Variants in TRAPPC12 observed in about 807,000 individuals in gnomAD.
TRAPPC12 encodes TPR repeat protein 15.
In TRAPPC12, 61 loss-of-function variants were observed where a neutral mutation model predicts 69.2. The ratio of observed to expected loss-of-function variants is 0.88; its 90% CI spans 0.72 to 1.09. TRAPPC12 has a LOEUF of 1.09. Among genes scored for constraint, TRAPPC12 ranks in the 50% least tolerant of loss-of-function variants. The pLI is 0.00. For missense variants in TRAPPC12, 1,101 were observed against 1,016.4 expected, an observed-to-expected ratio of 1.08 and a Z score of -1.13; for synonymous variants, 469 against 438.9, an observed-to-expected ratio of 1.07 and a Z score of -0.86.
intron 6 of TRAPPC12, among the ~76,000 whole-genome samples, chr2:3,451,053 A>T (rs926488362): frequency 6.6e-5 from 10 of 152,320 alleles, no homozygotes; most frequent in Non-Finnish European, 1.0e-4. Context: ...TTTAAATATG[A>T]ATAGGTTACA....
chr2:3,408,026 C>T (rs898864303), intron 3 of TRAPPC12, among the ~76,000 whole-genome samples: 4 of 152,262 alleles, frequency 2.6e-5, no homozygotes, highest in African/African-American at 7.2e-5. Context: ...CGTCCCCTCT[C>T]CAGCATTTGT....
rs4971514 is a variant in TRAPPC12 at position 3,465,692 on chromosome 2, G to C, written c.1773G>C (p.Leu591=). The C allele has an allele frequency of 0.41, 658,504 of 1,610,612 alleles. 136,137 individuals carry two copies. The highest frequency in any genetic ancestry group is 0.51 in the Middle Eastern group (3,082 of 6,048). Reference sequence around the variant, plus strand: ...TCAGCGGCATCGGCCGGATTTCCCTGCAGGTACCTGTGCACGGTCAGACAT... The same window carrying C: ...TCAGCGGCATCGGCCGGATTTCCCTCCAGGTACCTGTGCACGGTCAGACAT... ...QLLSGIGRIS[L]QIGDIKTAEK... is the part of the protein sequence containing the mutation. The change falls in exon 9 of 12, where the codon CTG becomes CTC. Residue 591 remains leucine, a synonymous_variant. Transcript: ENST00000324266.
At chr2:3,381,207 A>G (rs185664980) in intron 1 of TRAPPC12, among the ~76,000 whole-genome samples, 1 of 152,276 alleles carries the variant, frequency 6.6e-6, no homozygotes, top group Admixed American at 6.5e-5. Context: ...ATCTGTAGTG[A>G]GTGTTCATTA....
intron 2 of TRAPPC12, among the ~76,000 whole-genome samples, chr2:3,398,293 A>G (rs1661235863): frequency 6.6e-6 from 1 of 152,214 alleles, no homozygotes; most frequent in Non-Finnish European, 1.5e-5. Flanking sequence ...ACAGTTTTCT[A>G]AAATGGCTAT....
Position 3,387,773 on chromosome 2 carries a change from C to G in TRAPPC12, c.150C>G (p.Thr50=), listed in dbSNP as rs1332168376. Residue 50 remains threonine (T), a synonymous_variant, in exon 2 of 12, where the codon ACC becomes ACG. Transcript: ENST00000324266. ...AGTTTGGATCCGAAGAGAACGAGAC[C>G]GCATCGGAAGGCTCGAGTCCTCTCG... is the stretch of plus-strand genomic sequence containing the variant. The part of the protein sequence containing the change: ...GDEFGSEENE[T]ASEGSSPLAD... The G allele has an allele frequency of 6.2e-7, 1 of 1,612,902 alleles. No individual in the cohort carries two copies. Among genetic ancestry groups the G allele is most frequent in the Non-Finnish European group, 8.5e-7 (1 of 1,179,448 alleles).
chr2:3,418,954 C>T (rs931437485), intron 3 of TRAPPC12, among the ~76,000 whole-genome samples: 2 of 152,228 alleles, frequency 1.3e-5, no homozygotes, highest in African/African-American at 4.8e-5. Context: ...CTCATCCACA[C>T]CTGCTCGGCC....
intron 3 of TRAPPC12, among the ~76,000 whole-genome samples, chr2:3,416,577 CTG>C (rs1157726135): frequency 2.5e-5 from 2 of 79,568 alleles, no homozygotes; most frequent in African/African-American, 1.1e-4. Flanking sequence ...TGCCCCTTCA[CTG>C]TGCCCTCCCC....
rs1006753291 is a variant in TRAPPC12, at chr2:3,479,104, G to T, written c.1966-115G>T. The T allele has an allele frequency of 1.3e-5, 20 of 1,538,366 alleles. No individual in the cohort carries two copies. The African/African-American group carries it at 2.2e-4, about 17-fold the overall frequency. On this transcript the variant is annotated intron_variant, in intron 11 of 11. Transcript: ENST00000324266. ...GACCCAACAGGGCCACCTAGGCTCT[G>T]CCCAGCAGCTCTGCACCACCCCCAG...
At chr2:3,451,710 G>T (rs1664859811) in intron 6 of TRAPPC12, among the ~76,000 whole-genome samples, 1 of 152,026 alleles carries the variant, frequency 6.6e-6, no homozygotes, top group South Asian at 2.1e-4. Flanking sequence ...TTTTTGTAGA[G>T]ATAGGGTCTC....
At chr2:3,461,846 C>T (rs1665522724) in intron 8 of TRAPPC12, among the ~76,000 whole-genome samples, 1 of 152,132 alleles carries the variant, frequency 6.6e-6, no homozygotes, top group African/African-American at 2.4e-5. Flanking sequence ...TCTTCACCAC[C>T]CAAGGCTTGG....
At position 3,423,308 on chromosome 2, in the gene TRAPPC12, TGCCTCGCA is replaced by T. The variant is rs1662915962; in HGVS notation, c.1279-1216_1279-1209del. ...TTAAATCAAGCTAAATCGCATGCAT[TGCCTCGCA>T]TGCCTTTGTGTGTGTGTGTGTGTGT... On this transcript the variant is annotated intron_variant, in intron 4 of 11. Coordinates refer to ENST00000324266, the MANE Select transcript of TRAPPC12 (RefSeq NM_016030.6). Among the ~76,000 whole-genome samples, 9 of 142,336 alleles carry T rather than the reference TGCCTCGCA, an allele frequency of 6.3e-5. No individual in the cohort carries two copies. The Admixed American group carries it at 6.4e-4, about 10-fold the overall frequency. The allele number at this position is 142,336 out of a possible 152,430, so 93.4% of individuals were successfully genotyped here. A position where few individuals can be genotyped will look rare whatever the true frequency, so the allele number is the denominator to read the frequency against.
intron 3 of TRAPPC12, among the ~76,000 whole-genome samples, chr2:3,402,204 A>G (rs978612497): frequency 6.6e-6 from 1 of 152,210 alleles, no homozygotes; most frequent in African/African-American, 2.4e-5. Context: ...TTTTAAATAT[A>G]TTGCATTTTC....
Position 3,417,393 on chromosome 2 carries a change from G to A in TRAPPC12, c.1165-4488G>A, listed in dbSNP as rs530279866. 1.4e-4 allele frequency among the ~76,000 whole-genome samples: 21 copies of A among 151,380 alleles called. 1 individual carries two copies. Among genetic ancestry groups the A allele is most frequent in the African/African-American group, 4.4e-4 (18 of 40,874 alleles). On this transcript the variant is annotated intron_variant, in intron 3 of 11. Coordinates refer to ENST00000324266, the MANE Select transcript of TRAPPC12 (RefSeq NM_016030.6). ...GCCAGGTGATGCAGCGTCTGACCAC[G>A]TGCAGTCTTTAGACTGCCCTAGTCG...
Position 3,383,882 on chromosome 2 carries a change from T to G in TRAPPC12, c.-4-3738T>G, listed in dbSNP as rs1441390618. Among the ~76,000 whole-genome samples the G allele has an allele frequency of 5.1e-4, 9 of 17,624 alleles. No individual in the cohort carries two copies. The East Asian group carries it at 8.1e-3, about 16-fold the overall frequency. 11.6% of individuals were successfully genotyped at this position (17,624 alleles called of 152,430 possible). A position where few individuals can be genotyped will look rare whatever the true frequency, so the allele number is the denominator to read the frequency against. On this transcript the variant is annotated intron_variant, in intron 1 of 11. Transcript: ENST00000324266. ...GATAGTTCAGTCTTGTTTTTTTTTT[T>G]TTTTTTTTTTTTTTTTTTTTTTTTT...
At chr2:3,399,717 CT>C (rs1309306220) in intron 2 of TRAPPC12, among the ~76,000 whole-genome samples, 3 of 152,106 alleles carry the variant, frequency 2.0e-5, no homozygotes, top group African/African-American at 7.2e-5. Flanking sequence ...TTCTGTTCTT[CT>C]TTTAAGTGTC....
At chr2:3,459,639 C>T (rs1057426671) in intron 7 of TRAPPC12, among the ~76,000 whole-genome samples, 2 of 152,174 alleles carry the variant, frequency 1.3e-5, no homozygotes, top group East Asian at 3.9e-4. Context: ...CTCAGGGTCG[C>T]GGTCAGCCAC....
intron 2 of TRAPPC12, among the ~76,000 whole-genome samples, chr2:3,397,346 C>G (rs1472280351): frequency 6.6e-6 from 1 of 152,224 alleles, no homozygotes. Flanking sequence ...GAGCACTAAA[C>G]ATGGCAGACC....
At chr2:3,427,968 CTTGTGTATCCTA>C (rs1663211198) in intron 5 of TRAPPC12, among the ~76,000 whole-genome samples, 1 of 152,086 alleles carries the variant, frequency 6.6e-6, no homozygotes, top group Non-Finnish European at 1.5e-5. Flanking sequence ...CCAACATCGC[CTTGTGTATCCTA>C]TTTTACAGTG....
In TRAPPC12 at chr2:3,388,004, C is replaced by G; in HGVS notation, c.381C>G (p.Ser127Arg). Residue 127 changes from serine (S) to arginine (R), a missense_variant, in exon 2 of 12, where the codon AGC (serine) becomes AGG (arginine). Coordinates refer to ENST00000324266, the MANE Select transcript of TRAPPC12 (RefSeq NM_016030.6). ...DCAPEDAAPS[S>R]GGAPRQDAAR... The stretch of plus-strand genomic sequence containing the variant: ...CCCCCGAGGACGCGGCACCCAGTAG[C>G]GGAGGGGCCCCGAGGCAGGACGCGG... 1 of 1,469,768 alleles carries G rather than the reference C, an allele frequency of 6.8e-7. No individual in the cohort carries two copies. Among genetic ancestry groups the G allele is most frequent in the Non-Finnish European group, 8.9e-7 (1 of 1,117,416 alleles). 91.0% of individuals were successfully genotyped at this position (1,469,768 alleles called of 1,614,324 possible).
Sources: allele counts gnomAD v4.1 joint callset (sites outside exome capture counted in the v4.1 genomes callset), GRCh38; gene constraint gnomAD v4.1.1; transcripts MANE v1.5; gene names NCBI Gene and HGNC (gene_info 2026-07-23, HGNC 2026-07-21).